The following SLC6A3 variants were observed in gnomAD, a reference collection of about 807,000 sequenced individuals.
SLC6A3 encodes the protein sodium-dependent dopamine transporter.
In SLC6A3, 19 loss-of-function variants were observed where a neutral mutation model predicts 70.4. The observed-to-expected ratio is 0.27, with a 90% CI of 0.19 to 0.40. The LOEUF is 0.40. Ranked by LOEUF, SLC6A3 falls within the 10% of genes least tolerant of loss-of-function variation. The pLI is 1.00. For synonymous variants in SLC6A3, 368 were observed against 356.6 expected, an observed-to-expected ratio of 1.03 and a Z score of -0.36; for missense variants, 613 against 838.5, an observed-to-expected ratio of 0.73 and a Z score of 3.32.
intron 3 of SLC6A3, among the ~76,000 whole-genome samples, chr5:1,433,200 A>T (rs990561470): frequency 6.6e-6 from 1 of 152,146 alleles, no homozygotes; most frequent in Non-Finnish European, 1.5e-5. Flanking sequence ...TATCAGGCCC[A>T]TGTGAAACCA....
Position 1,442,475 on chromosome 5 carries a change from G to A in SLC6A3, c.286+437C>T, listed in dbSNP as rs1733697385. Among the ~76,000 whole-genome samples the A allele has an allele frequency of 6.6e-6, 1 of 152,206 alleles. No homozygotes were observed. The highest frequency in any genetic ancestry group is 2.4e-5 in the African/African-American group (1 of 41,442). The stretch of plus-strand genomic sequence containing the variant: ...TGTGGCTGGGTTCTGGAGGGTGCAG[G>A]GGACACAGTCACTTTCCAGGGGCCT... On this transcript the variant is annotated intron_variant, in intron 2 of 14. Coordinates refer to ENST00000270349, the MANE Select transcript of SLC6A3 (RefSeq NM_001044.5). The surrounding 1 kb of genome is among the most constrained non-coding windows in gnomAD (Gnocchi z 5.0).
At chr5:1,395,824 G>A (rs1371825613) in intron 14 of SLC6A3, among the ~76,000 whole-genome samples, 2 of 152,266 alleles carry the variant, frequency 1.3e-5, no homozygotes, top group African/African-American at 4.8e-5. Context: ...GCAGTTCTCT[G>A]TCCTGCCCGC....
At chr5:1,429,441 TTTCC>T (rs1197024037) in intron 4 of SLC6A3, among the ~76,000 whole-genome samples, 1 of 152,038 alleles carries the variant, frequency 6.6e-6, no homozygotes, top group African/African-American at 2.4e-5. Flanking sequence ...CACCTTTCTG[TTTCC>T]TTCCTTCCTT....
Position 1,443,171 on chromosome 5 carries a change from T to C in SLC6A3, c.27A>G (p.Gly9=), listed in dbSNP as rs1226378554. 1 of 1,614,188 alleles carries C rather than the reference T, an allele frequency of 6.2e-7. No individual in the cohort carries two copies. The highest frequency in any genetic ancestry group is 1.1e-5 in the South Asian group (1 of 91,084). Residue 9 remains glycine (G), a synonymous_variant, in exon 2 of 15, where the codon GGA becomes GGG. Transcript: ENST00000270349. ...CCGGGGCCACCACGGAAGACATGAG[T>C]CCCACGGAGCATTTGCTCTTACTCA... MSKSKCSV[G]LMSSVVAPAK...
At position 1,419,857 on chromosome 5, in the gene SLC6A3, C is replaced by G. The variant is rs890261617; in HGVS notation, c.927+712G>C. On this transcript the variant is annotated intron_variant, in intron 6 of 14. Coordinates refer to ENST00000270349, the MANE Select transcript of SLC6A3 (RefSeq NM_001044.5). ...GTCCAGGTGCCCTCTCTCACTGCAC[C>G]TGTCAGCTGCTGCCTCCCTGGGGCT... Among the ~76,000 whole-genome samples the G allele has an allele frequency of 4.6e-5, 7 of 151,816 alleles. No homozygotes were observed. In the South Asian group the frequency reaches 8.3e-4, roughly 18 times the overall value.
At chr5:1,415,517 C>T (rs1756268949) in intron 7 of SLC6A3, among the ~76,000 whole-genome samples, 1 of 152,204 alleles carries the variant, frequency 6.6e-6, no homozygotes, top group Non-Finnish European at 1.5e-5. Flanking sequence ...CTGCTGCACA[C>T]ACTGTCCTTG....
chr5:1,412,830 T>C (rs1023916278), intron 8 of SLC6A3, among the ~76,000 whole-genome samples: 13 of 152,168 alleles, frequency 8.5e-5, no homozygotes, highest in African/African-American at 2.9e-4. Context: ...TTCAGGGGCC[T>C]CACTATCAGC....
At chr5:1,435,599 C>A (rs1402074685) in intron 3 of SLC6A3, among the ~76,000 whole-genome samples, 1 of 152,264 alleles carries the variant, frequency 6.6e-6, no homozygotes. Flanking sequence ...GCTCCCAGAG[C>A]AAATGGGCCT....
Position 1,397,771 on chromosome 5 carries a change from A to G in SLC6A3, c.1840-3013T>C, listed in dbSNP as rs1219163998. On this transcript the variant is annotated intron_variant, in intron 14 of 14. Transcript: ENST00000270349. This position sits in a 1 kb window ranked among gnomAD's most constrained non-coding sequence, Gnocchi z 4.7. ...TCTGAAGGATGCTTTTTGAAAAGCA[A>G]GAAAATGGTCCTAGAAGAAAAGAAG... Among the ~76,000 whole-genome samples the G allele has an allele frequency of 6.6e-6, 1 of 152,222 alleles. No homozygotes were observed. The highest frequency in any genetic ancestry group is 1.5e-5 in the Non-Finnish European group (1 of 68,036).
chr5:1,409,746 A>C lies in SLC6A3; in HGVS notation c.1373T>G (p.Leu458Arg). 1 of 1,613,448 alleles carries C rather than the reference A, an allele frequency of 6.2e-7. No homozygotes were observed. Among genetic ancestry groups the C allele is most frequent in the Non-Finnish European group, 8.5e-7 (1 of 1,180,032 alleles). Residue 458 changes from leucine to arginine, a missense_variant, in exon 10 of 15, where the codon CTC becomes CGC. Around this residue, in one of 4 missense-constraint regions of SLC6A3, gnomAD observed 348 missense variants for 481.2 expected, o/e 0.72. Coordinates refer to ENST00000270349, the MANE Select transcript of SLC6A3 (RefSeq NM_001044.5). ...FTLFIVLATF[L>R]LSLFCVTNGG... is the part of the protein sequence containing the mutation. ...GTTGGTGACGCAGAACAGGGACAGG[A>C]GGAAGGTCGCCAGGACGATGAAGAG...
Position 1,442,260 on chromosome 5 carries a change from C to T in SLC6A3, c.286+652G>A, listed in dbSNP as rs562040505. Among the ~76,000 whole-genome samples, 3 of 152,322 alleles carry T rather than the reference C, an allele frequency of 2.0e-5. No homozygotes were observed. In the East Asian group the frequency reaches 5.8e-4, roughly 29 times the overall value. ...TTCAAGATGGGCATAAAAATGCCAG[C>T]CTCCTCGCAGGCATCCTGTGAGGCT... On this transcript the variant is annotated intron_variant, in intron 2 of 14. Transcript: ENST00000270349. This position sits in a 1 kb window ranked among gnomAD's most constrained non-coding sequence, Gnocchi z 5.0.
rs1756500749 is a variant in SLC6A3, at chr5:1,423,242, AT to A, written c.654-1229del. Among the ~76,000 whole-genome samples the A allele has an allele frequency of 2.7e-5, 3 of 111,542 alleles. 1 individual carries two copies. Among genetic ancestry groups the A allele is most frequent in the East Asian group, 5.8e-4 (2 of 3,452 alleles). The allele number at this position is 111,542 out of a possible 152,430, so 73.2% of individuals were successfully genotyped here. A position where few individuals can be genotyped will look rare whatever the true frequency, so the allele number is the denominator to read the frequency against. ...CCCACCGCTGCCCACGGTGCTGCCC[AT>A]GGTGCTGGGTACCCACTGCTGCCCA... On this transcript the variant is annotated intron_variant, in intron 4 of 14. Coordinates refer to ENST00000270349, the MANE Select transcript of SLC6A3 (RefSeq NM_001044.5).
chr5:1,433,786 TCCATCCACAA>T (rs1372028355), intron 3 of SLC6A3, among the ~76,000 whole-genome samples: 1 of 150,078 alleles, frequency 6.7e-6, no homozygotes, highest in Non-Finnish European at 1.5e-5. Flanking sequence ...CAACCATCCA[TCCATCCACAA>T]CCATCCACAA....
chr5:1,443,945 G>A (rs981777534), intron 1 of SLC6A3, among the ~76,000 whole-genome samples: 1 of 152,094 alleles, frequency 6.6e-6, no homozygotes, highest in Non-Finnish European at 1.5e-5. Flanking sequence ...CGATCCTCCT[G>A]CCTCAGCCTC....
chr5:1,407,248 G>A (rs1039654778), intron 11 of SLC6A3, among the ~76,000 whole-genome samples: 5 of 152,160 alleles, frequency 3.3e-5, no homozygotes, highest in African/African-American at 7.2e-5. Context: ...CAAGTCTTGC[G>A]GTTGTCCCGT....
chr5:1,422,212 T>C (rs1396398482), intron 4 of SLC6A3, among the ~76,000 whole-genome samples, 198 bp from the exon 5 acceptor site: 1 of 152,216 alleles, frequency 6.6e-6, no homozygotes, highest in Admixed American at 6.5e-5. Flanking sequence ...TTGAAACCCG[T>C]GGAGCACGTG....
chr5:1,427,996 A>G (rs10052016), intron 4 of SLC6A3, among the ~76,000 whole-genome samples: 33,308 of 152,106 alleles, frequency 0.22, 3,768 homozygotes, highest in Non-Finnish European at 0.25. Context: ...GACCTAACAT[A>G]ACCTCTCTGA....
intron 6 of SLC6A3, among the ~76,000 whole-genome samples, chr5:1,417,591 C>T (rs966883242): frequency 7.2e-5 from 11 of 152,212 alleles, no homozygotes; most frequent in Admixed American, 5.9e-4. Flanking sequence ...GGTGGGTCCA[C>T]GATTGGACCA....
intron 11 of SLC6A3, among the ~76,000 whole-genome samples, chr5:1,407,702 G>A (rs1196686282): frequency 6.6e-6 from 1 of 152,200 alleles, no homozygotes; most frequent in Non-Finnish European, 1.5e-5. Context: ...CTCTGTGAAG[G>A]TCTATGTTTT....
Sources: allele counts gnomAD v4.1 joint callset (sites outside exome capture counted in the v4.1 genomes callset), GRCh38; gene constraint gnomAD v4.1.1; regional missense constraint gnomAD v4.1.1; non-coding constraint Gnocchi (gnomAD v3.1); transcripts MANE v1.5; gene names NCBI Gene and HGNC (gene_info 2026-07-23, HGNC 2026-07-21).